The following SPAG16 variants were observed in gnomAD, a reference collection of about 807,000 sequenced individuals.
SPAG16 encodes the protein sperm associated antigen 16.
Under a neutral mutation model 80.4 loss-of-function variants are expected in SPAG16, and 86 were observed. That is an observed-to-expected ratio of 1.07 (90% CI 0.90 to 1.28). The LOEUF is 1.28. SPAG16 is among the 50% of genes most tolerant of loss of function. The pLI is 0.00. For synonymous variants in SPAG16, 294 were observed against 265.9 expected, an observed-to-expected ratio of 1.11 and a Z score of -1.03; for missense variants, 870 against 765.3, an observed-to-expected ratio of 1.14 and a Z score of -1.61.
At chr2:214,140,933 T>TGGGGGGGGGGGG (rs56893647) in intron 14 of SPAG16, among the ~76,000 whole-genome samples, 2 of 59,212 alleles carry the variant, frequency 3.4e-5, no homozygotes, top group Non-Finnish European at 6.4e-5. Context: ...ATCCCATTGG[T>TGGGGGGGGGGGG]GGGGGGGGGG....
intron 10 of SPAG16, among the ~76,000 whole-genome samples, chr2:213,619,488 A>G (rs1291238901): frequency 1.3e-5 from 2 of 152,190 alleles, no homozygotes; most frequent in African/African-American, 2.4e-5. Context: ...AAATTATTCA[A>G]CTAAAAAACG....
chr2:213,425,189 G>A (rs920942203), intron 9 of SPAG16, among the ~76,000 whole-genome samples: 2 of 152,192 alleles, frequency 1.3e-5, no homozygotes, highest in African/African-American at 4.8e-5. Context: ...CAGGCATGGT[G>A]GTGGGCGCCT....
chr2:213,883,875 T>C (rs1004813677), intron 11 of SPAG16, among the ~76,000 whole-genome samples: 14 of 152,210 alleles, frequency 9.2e-5, no homozygotes, highest in African/African-American at 1.2e-4. Context: ...GATCTTTCTC[T>C]GTCCATTTAC....
intron 3 of SPAG16, among the ~76,000 whole-genome samples, chr2:213,304,812 G>A (rs1003510755): frequency 3.9e-5 from 6 of 152,086 alleles, no homozygotes; most frequent in South Asian, 2.1e-4. Flanking sequence ...AATGTGATTC[G>A]TGCAGTTTCC....
At chr2:214,047,725 C>A (rs1471631627) in intron 13 of SPAG16, among the ~76,000 whole-genome samples, 1 of 151,886 alleles carries the variant, frequency 6.6e-6, no homozygotes, top group Non-Finnish European at 1.5e-5. Context: ...TTCTACCCAG[C>A]AAAGGAAATA....
chr2:213,545,678 A>G (rs1398902754), intron 10 of SPAG16, among the ~76,000 whole-genome samples: 3 of 151,688 alleles, frequency 2.0e-5, no homozygotes, highest in Non-Finnish European at 4.4e-5. Flanking sequence ...GTTACTTTTT[A>G]TATGTTTATC....
intron 5 of SPAG16, among the ~76,000 whole-genome samples, chr2:213,322,015 T>C (rs2063629546): frequency 2.0e-5 from 3 of 151,810 alleles, no homozygotes; most frequent in Admixed American, 1.3e-4. Flanking sequence ...ATGGCACATG[T>C]ATACATATGT....
chr2:213,812,747 A>G (rs186354975), intron 10 of SPAG16, among the ~76,000 whole-genome samples: 1 of 151,682 alleles, frequency 6.6e-6, no homozygotes, highest in Non-Finnish European at 1.5e-5. Flanking sequence ...AATATTTAGC[A>G]TTTTTTGTTT....
intron 13 of SPAG16, among the ~76,000 whole-genome samples, chr2:214,071,769 A>G (rs1238788444): frequency 1.3e-5 from 2 of 152,012 alleles, no homozygotes; most frequent in Non-Finnish European, 2.9e-5. Context: ...CATTTGTTAT[A>G]TATATTTCTT....
At chr2:213,968,076 T>A (rs771828012) in intron 12 of SPAG16, among the ~76,000 whole-genome samples, 10 of 149,256 alleles carry the variant, frequency 6.7e-5, no homozygotes, top group African/African-American at 9.9e-5. Flanking sequence ...ATTACTTTCC[T>A]TTCCTTTCTT....
intron 15 of SPAG16, among the ~76,000 whole-genome samples, chr2:214,372,812 T>C (rs1699904754): frequency 6.6e-6 from 1 of 152,242 alleles, no homozygotes; most frequent in South Asian, 2.1e-4. Context: ...CTTCCTCTGC[T>C]ATCACTGTTC....
chr2:213,615,494 G>A (rs1273304906), intron 10 of SPAG16, among the ~76,000 whole-genome samples: 1 of 152,178 alleles, frequency 6.6e-6, no homozygotes, highest in African/African-American at 2.4e-5. Context: ...GGGAGGCTGA[G>A]GCAGGAAAAT....
At chr2:213,714,075 T>C (rs1407816772) in intron 10 of SPAG16, among the ~76,000 whole-genome samples, 3 of 152,178 alleles carry the variant, frequency 2.0e-5, no homozygotes, top group Non-Finnish European at 4.4e-5. Flanking sequence ...CTTCCACTGA[T>C]GACAGTAAAG....
chr2:213,422,904 T>C (rs1006989060), intron 9 of SPAG16, among the ~76,000 whole-genome samples: 1 of 152,252 alleles, frequency 6.6e-6, no homozygotes, highest in African/African-American at 2.4e-5. Context: ...CCTTAGTCTA[T>C]GATGACAGCT....
At chr2:214,171,684 A>T (rs1233209959) in intron 15 of SPAG16, among the ~76,000 whole-genome samples, 1 of 151,936 alleles carries the variant, frequency 6.6e-6, no homozygotes, top group African/African-American at 2.4e-5. Context: ...CTATGTAGTA[A>T]GACAAATTTT....
intron 10 of SPAG16, among the ~76,000 whole-genome samples, chr2:213,803,507 C>T (rs536536031): frequency 5.3e-5 from 8 of 151,906 alleles, no homozygotes; most frequent in Non-Finnish European, 8.8e-5. Flanking sequence ...TATAAGTAAG[C>T]TCAAAAATCA....
chr2:214,152,599 G>A (rs1471252723), intron 15 of SPAG16, among the ~76,000 whole-genome samples: 1 of 152,118 alleles, frequency 6.6e-6, no homozygotes, highest in Admixed American at 6.6e-5. Context: ...TAGAAATAAA[G>A]ACACAAGACA....
At chr2:213,548,419 G>T (rs1444800133) in intron 10 of SPAG16, among the ~76,000 whole-genome samples, 2 of 152,058 alleles carry the variant, frequency 1.3e-5, no homozygotes, top group Non-Finnish European at 2.9e-5. Flanking sequence ...CACCATGTTG[G>T]CCAGGATAGT....
At chr2:213,540,192 G>A (rs1373834444) in intron 10 of SPAG16, among the ~76,000 whole-genome samples, 9 of 149,184 alleles carry the variant, frequency 6.0e-5, no homozygotes, top group East Asian at 3.9e-4. Context: ...CTGCCACCAC[G>A]CCCAGCTAAT....
Sources: gnomAD v4.1 joint callset for allele counts (sites outside exome capture counted in the v4.1 genomes callset) on GRCh38, gnomAD v4.1.1 for gene constraint, MANE v1.5 for transcripts, NCBI Gene and HGNC (gene_info 2026-07-23, HGNC 2026-07-21) for gene names.